Variants in SHC3 observed in about 807,000 individuals in gnomAD.
SHC3 encodes the protein SHC-transforming protein 3.
SHC3 carries 15 observed loss-of-function variants against 60.4 expected under a neutral mutation model. That is an observed-to-expected ratio of 0.25 (90% CI 0.17 to 0.38). The LOEUF is 0.38. Ranked by LOEUF, SHC3 falls within the 10% of genes least tolerant of loss-of-function variation. The pLI, the probability that SHC3 is intolerant of heterozygous loss-of-function variation, is 1.00. For synonymous variants in SHC3, 294 were observed against 325.9 expected, an observed-to-expected ratio of 0.90 and a Z score of 1.05; for missense variants, 677 against 786.1, an observed-to-expected ratio of 0.86 and a Z score of 1.66.
chr9:89,094,021 T>G (rs909864100), intron 2 of SHC3, among the ~76,000 whole-genome samples: 1 of 151,546 alleles, frequency 6.6e-6, no homozygotes, highest in Non-Finnish European at 1.5e-5. Flanking sequence ...GGATAATTGC[T>G]TGAACCTGGG....
At chr9:89,177,846 T>C in intron 1 of SHC3, 141 bp downstream of exon 1, 1 of 1,088,540 alleles carries the variant, frequency 9.2e-7, no homozygotes, top group African/African-American at 1.7e-5. Context: ...GCGAGCTGAT[T>C]GCTAAGGAGT....
At chr9:89,109,893 T>C (rs1235265171) in intron 2 of SHC3, 3 of 985,356 alleles carry the variant, frequency 3.0e-6, no homozygotes, top group South Asian at 4.7e-5. Flanking sequence ...CAGAAAAGTA[T>C]GCAATTTCAT....
At chr9:89,155,021 G>T (rs1826601813) in intron 1 of SHC3, among the ~76,000 whole-genome samples, 3 of 152,158 alleles carry the variant, frequency 2.0e-5, no homozygotes, top group African/African-American at 7.2e-5. Flanking sequence ...CCACTAAGCT[G>T]GCTGCTCAGT....
intron 1 of SHC3, among the ~76,000 whole-genome samples, chr9:89,133,308 T>G (rs1267457947): frequency 6.6e-6 from 1 of 152,222 alleles, no homozygotes; most frequent in African/African-American, 2.4e-5. Flanking sequence ...TTTACAGTGT[T>G]GGTGGGACTT....
chr9:89,053,866 C>A (rs1824902567), intron 6 of SHC3, among the ~76,000 whole-genome samples: 2 of 152,308 alleles, frequency 1.3e-5, no homozygotes, highest in East Asian at 1.9e-4. Context: ...AAGTAGGAGT[C>A]CAGGCCTGAG....
intron 1 of SHC3, among the ~76,000 whole-genome samples, chr9:89,134,005 G>C (rs1018489861): frequency 6.6e-6 from 1 of 152,130 alleles, no homozygotes; most frequent in Non-Finnish European, 1.5e-5. Flanking sequence ...ATGCTGGAAA[G>C]AGTCAGCTCT....
chr9:89,048,834 A>G (rs897529962), intron 7 of SHC3, among the ~76,000 whole-genome samples: 1 of 152,234 alleles, frequency 6.6e-6, no homozygotes, highest in South Asian at 2.1e-4. Flanking sequence ...CAAGCTCAGG[A>G]GATCCCCGTC....
rs114086442 is a variant in SHC3 at position 89,014,512 on chromosome 9, C to T, written c.1657-937G>A. Among the ~76,000 whole-genome samples the T allele has an allele frequency of 9.5e-3, 1,440 of 152,198 alleles. 12 individuals are homozygous for T. Among genetic ancestry groups the T allele is most frequent in the African/African-American group, 0.033 (1,372 of 41,518 alleles). ...CACAGGCCACCCTCGCGGCTATGCT[C>T]GAGGGTCAGCTGAATTCCCTGGCTT... On this transcript the variant is annotated intron_variant, in intron 11 of 11. Transcript: ENST00000375835.
chr9:89,086,938 T>C (rs533286353), intron 2 of SHC3, among the ~76,000 whole-genome samples: 6 of 152,190 alleles, frequency 3.9e-5, no homozygotes, highest in Non-Finnish European at 8.8e-5. Context: ...ATATATCTTA[T>C]ATGCAAATAA....
intron 1 of SHC3, among the ~76,000 whole-genome samples, chr9:89,166,165 A>C (rs950971244): frequency 3.7e-4 from 57 of 152,118 alleles, no homozygotes; most frequent in African/African-American, 1.2e-3. Flanking sequence ...CATGCCAGAT[A>C]ATCCCACCCA....
At chr9:89,130,410 T>C (rs943913282) in intron 1 of SHC3, among the ~76,000 whole-genome samples, 1 of 152,136 alleles carries the variant, frequency 6.6e-6, no homozygotes, top group Non-Finnish European at 1.5e-5. Context: ...CTGCACCAAG[T>C]GGATGTAATA....
intron 11 of SHC3, among the ~76,000 whole-genome samples, chr9:89,033,656 A>G (rs547297805): frequency 1.3e-5 from 2 of 152,356 alleles, no homozygotes; most frequent in South Asian, 4.1e-4. Context: ...ATTGGGCACT[A>G]TGGCACTAAA....
At chr9:89,037,609 G>C in intron 11 of SHC3, 1 of 692,580 alleles carries the variant, frequency 1.4e-6, no homozygotes, top group East Asian at 2.7e-5. Flanking sequence ...AAAATCCTCA[G>C]TGATTCAACT....
At chr9:89,125,601 G>A (rs940425412) in intron 1 of SHC3, among the ~76,000 whole-genome samples, 1 of 152,134 alleles carries the variant, frequency 6.6e-6, no homozygotes, top group South Asian at 2.1e-4. Context: ...GAGATAGGAA[G>A]TCAGCATAAG....
At chr9:89,131,180 C>G (rs1037169889) in intron 1 of SHC3, among the ~76,000 whole-genome samples, 2 of 152,146 alleles carry the variant, frequency 1.3e-5, no homozygotes. Context: ...AATTCCTGGA[C>G]ACATACACCC....
chr9:89,015,987 G>T (rs533552908), intron 11 of SHC3, among the ~76,000 whole-genome samples: 1 of 152,090 alleles, frequency 6.6e-6, no homozygotes, highest in Non-Finnish European at 1.5e-5. Context: ...AAGTAAGCAG[G>T]AGGAAAGAAA....
intron 11 of SHC3, among the ~76,000 whole-genome samples, chr9:89,035,069 C>T (rs187501771): frequency 2.1e-4 from 32 of 152,322 alleles, no homozygotes; most frequent in East Asian, 3.9e-4. Flanking sequence ...CACATTCTCA[C>T]CACCTGTTCC....
At position 89,006,199 on chromosome 9, in the gene SHC3, G is replaced by T. The variant is rs145203252; in HGVS notation, c.*7248C>A. On this transcript the variant is annotated 3_prime_UTR_variant, in exon 12 of 12. Coordinates refer to ENST00000375835, the MANE Select transcript of SHC3 (RefSeq NM_016848.6). ...ATGCGATGCCGTGCCTGCACTTGGC[G>T]ATCCCAGGAGCACAGAAATGCACCA... 6.6e-6 allele frequency: 1 copy of T among 152,222 alleles called. No homozygotes were observed. The highest frequency in any genetic ancestry group is 1.9e-4 in the East Asian group (1 of 5,198). The allele number at this position is 152,222 out of a possible 1,614,324, so 9.4% of individuals were successfully genotyped here. A position where few individuals can be genotyped will look rare whatever the true frequency, so the allele number is the denominator to read the frequency against.
intron 10 of SHC3, among the ~76,000 whole-genome samples, chr9:89,041,395 C>T (rs988871958): frequency 6.6e-6 from 1 of 152,168 alleles, no homozygotes; most frequent in Non-Finnish European, 1.5e-5. Context: ...GATACCTCCA[C>T]GAGGTAGAGA....
Sources: gnomAD v4.1 joint callset for allele counts (sites outside exome capture counted in the v4.1 genomes callset) on GRCh38, gnomAD v4.1.1 for gene constraint, MANE v1.5 for transcripts, NCBI Gene and HGNC (gene_info 2026-07-23, HGNC 2026-07-21) for gene names.